Variants in THEMIS observed in about 807,000 individuals in gnomAD.
THEMIS encodes the protein protein THEMIS.
THEMIS carries 37 observed loss-of-function variants against 52.6 expected under a neutral mutation model. The ratio of observed to expected loss-of-function variants is 0.70; its 90% CI spans 0.54 to 0.93. THEMIS has a LOEUF of 0.93. THEMIS is among the 40% of genes least tolerant of loss of function. The pLI, the probability that THEMIS is intolerant of heterozygous loss-of-function variation, is 0.00. For missense variants in THEMIS, 808 were observed against 763.1 expected (o/e 1.06, Z -0.69); for synonymous variants, 292 against 272.7 (o/e 1.07, Z -0.70).
In THEMIS at chr6:127,855,191, AAAAGG is replaced by A; in HGVS notation, c.92-8_92-4del. 1 of 1,576,372 alleles carries A rather than the reference AAAAGG, an allele frequency of 6.3e-7. No individual in the cohort carries two copies. Among genetic ancestry groups the A allele is most frequent in the Non-Finnish European group, 8.6e-7 (1 of 1,166,098 alleles). On this transcript the variant is annotated splice_polypyrimidine_tract_variant and splice_region_variant and intron_variant, in intron 1 of 5. Coordinates refer to ENST00000368248, the MANE Select transcript of THEMIS (RefSeq NM_001010923.3). The stretch of plus-strand genomic sequence containing the variant: ...TCCAAACATTTCATAAATAGAGCCT[AAAAGG>A]AAAGAAAAGTTAAAACAGCTTTTTA...
At chr6:127,918,000 C>T (rs1781560527) in intron 1 of THEMIS, among the ~76,000 whole-genome samples, 1 of 152,172 alleles carries the variant, frequency 6.6e-6, no homozygotes, top group Non-Finnish European at 1.5e-5. Flanking sequence ...CTAATCAATA[C>T]ACTGTAGTAA....
downstream of THEMIS, among the ~76,000 whole-genome samples, chr6:127,703,343 G>A (rs936784810): frequency 1.4e-4 from 21 of 152,198 alleles, no homozygotes; most frequent in Admixed American, 8.5e-4. Context: ...CACCGCGCCC[G>A]GCTAGAATGA....
intron 4 of THEMIS, among the ~76,000 whole-genome samples, chr6:127,790,244 G>A (rs1004530293): frequency 2.0e-5 from 3 of 152,096 alleles, no homozygotes; most frequent in African/African-American, 7.2e-5. Flanking sequence ...GGCCAAACCA[G>A]CTAAACCAAG....
chr6:127,723,767 A>G (rs1037836856), intron 4 of THEMIS, among the ~76,000 whole-genome samples: 1 of 152,022 alleles, frequency 6.6e-6, no homozygotes, highest in African/African-American at 2.4e-5. Context: ...CTCACTGTAT[A>G]AACCTTAGCC....
intron 5 of THEMIS, among the ~76,000 whole-genome samples, chr6:127,717,107 C>A (rs1010018797): frequency 6.6e-6 from 1 of 151,782 alleles, no homozygotes; most frequent in African/African-American, 2.4e-5. Flanking sequence ...GCAATCAATT[C>A]ATAAAGATTC....
rs550034058 is a variant in THEMIS, at chr6:127,772,198, G to GT, written c.1758+40684dup. On this transcript the variant is annotated intron_variant, in intron 4 of 5. Coordinates refer to ENST00000368248, the MANE Select transcript of THEMIS (RefSeq NM_001010923.3). ...GATTATTCTCATGAATGCACATATGGTTTTTTTTTTAATAAGACAGATAAT... is the reference window on the plus strand; with the variant it reads ...GATTATTCTCATGAATGCACATATGGTTTTTTTTTTTAATAAGACAGATAAT... Among the ~76,000 whole-genome samples the GT allele has an allele frequency of 4.3e-3, 629 of 147,824 alleles. 3 individuals carry two copies. Among genetic ancestry groups the GT allele is most frequent in the Middle Eastern group, 7.2e-3 (2 of 278 alleles).
intron 4 of THEMIS, among the ~76,000 whole-genome samples, chr6:127,766,535 G>A (rs898433142): frequency 4.6e-5 from 7 of 152,010 alleles, no homozygotes; most frequent in African/African-American, 1.4e-4. Context: ...GAAATGCATC[G>A]TTAGTCAATT....
intron 2 of THEMIS, among the ~76,000 whole-genome samples, chr6:127,853,087 T>C (rs1473197624): frequency 6.6e-6 from 1 of 151,656 alleles, no homozygotes; most frequent in Non-Finnish European, 1.5e-5. Flanking sequence ...ATTATGTGCA[T>C]CTTTTTCTAA....
At chr6:127,736,223 G>A (rs868665040) in intron 4 of THEMIS, among the ~76,000 whole-genome samples, 1 of 152,204 alleles carries the variant, frequency 6.6e-6, no homozygotes, top group East Asian at 1.9e-4. Context: ...TGTATATTTA[G>A]AGAAAATTGT....
intron 1 of THEMIS, among the ~76,000 whole-genome samples, chr6:127,883,626 C>A (rs1201182654): frequency 6.6e-6 from 1 of 151,718 alleles, no homozygotes; most frequent in Non-Finnish European, 1.5e-5. Context: ...GAAAGTAGTA[C>A]CTATTCAGTA....
At chr6:127,759,346 A>G (rs893178076) in intron 4 of THEMIS, among the ~76,000 whole-genome samples, 3 of 152,164 alleles carry the variant, frequency 2.0e-5, no homozygotes, top group African/African-American at 7.2e-5. Flanking sequence ...CAAAATATAC[A>G]TCTCTGACTG....
chr6:127,870,072 G>A (rs903541901), intron 1 of THEMIS, among the ~76,000 whole-genome samples: 10 of 152,102 alleles, frequency 6.6e-5, no homozygotes, highest in African/African-American at 2.4e-4. Context: ...CCCTGTCAGG[G>A]AAATCAGGAG....
At chr6:127,780,339 T>C (rs1238556297) in intron 4 of THEMIS, among the ~76,000 whole-genome samples, 1 of 152,144 alleles carries the variant, frequency 6.6e-6, no homozygotes, top group East Asian at 1.9e-4. Context: ...GATGGGTCTT[T>C]ACTCTACCCA....
intron 2 of THEMIS, among the ~76,000 whole-genome samples, chr6:127,847,938 T>C (rs1358401068): frequency 1.3e-5 from 2 of 150,272 alleles, no homozygotes; most frequent in African/African-American, 4.9e-5. Flanking sequence ...TTTATTATAC[T>C]TTAAGTTTTA....
At chr6:127,711,045 C>T (rs2114452164) in intron 5 of THEMIS, among the ~76,000 whole-genome samples, 1 of 148,820 alleles carries the variant, frequency 6.7e-6, no homozygotes, top group East Asian at 2.0e-4. Context: ...TCTCCTCTCC[C>T]ACTTTCCCTC....
At chr6:127,726,414 A>G (rs2114506089) in intron 4 of THEMIS, among the ~76,000 whole-genome samples, 1 of 152,260 alleles carries the variant, frequency 6.6e-6, no homozygotes, top group Admixed American at 6.5e-5. Context: ...GCTGTAACTG[A>G]TTAGAAATCA....
chr6:127,770,315 C>T (rs1776340954), intron 4 of THEMIS, among the ~76,000 whole-genome samples: 2 of 152,190 alleles, frequency 1.3e-5, no homozygotes, highest in African/African-American at 4.8e-5. Flanking sequence ...GATCACCATT[C>T]TGACTGGTGT....
intron 1 of THEMIS, 86 bp downstream of exon 1, chr6:127,900,756 G>T: frequency 9.1e-7 from 1 of 1,095,468 alleles, no homozygotes; most frequent in Non-Finnish European, 1.4e-6. Flanking sequence ...TCACATATTT[G>T]CTGTTAAAAT....
chr6:127,900,869 C>G lies in THEMIS; in HGVS notation c.64G>C (p.Glu22Gln), dbSNP rs1266267355. ...LDLRTLPRVL[E>Q]IQAGIYLEGS... ...TCAAGATAGATGCCTGCCTGGATTT[C>G]TAGAACCCTGGGTAGGGTCCTGAGG... is the stretch of plus-strand genomic sequence containing the variant. The change falls in exon 1 of 6, where the codon GAA becomes CAA. Residue 22 changes from glutamate to glutamine, a missense_variant. Glu to Gln is a conservative substitution (Grantham distance 29, BLOSUM62 2). Coordinates refer to ENST00000368248, the MANE Select transcript of THEMIS (RefSeq NM_001010923.3). The G allele has an allele frequency of 6.2e-7, 1 of 1,613,112 alleles. No homozygotes were observed. Among genetic ancestry groups the G allele is most frequent in the Non-Finnish European group, 8.5e-7 (1 of 1,179,384 alleles).
Sources: gnomAD v4.1 joint callset for allele counts (sites outside exome capture counted in the v4.1 genomes callset) on GRCh38, gnomAD v4.1.1 for gene constraint, MANE v1.5 for transcripts, NCBI Gene and HGNC (gene_info 2026-07-23, HGNC 2026-07-21) for gene names.